Variants in OLA1 observed in about 807,000 individuals in gnomAD.
The protein encoded by OLA1 is Obg like ATPase 1.
A neutral mutation model predicts 48.4 loss-of-function variants in OLA1; 14 were observed. The ratio of observed to expected loss-of-function variants is 0.29; its 90% CI spans 0.19 to 0.45. OLA1 has a LOEUF of 0.45. Ranked by LOEUF, OLA1 falls within the 20% of genes least tolerant of loss-of-function variation. The pLI, the probability that OLA1 is intolerant of heterozygous loss-of-function variation, is 1.00. For missense variants in OLA1, 325 were observed against 467.1 expected (o/e 0.70, Z 2.80); for synonymous variants, 127 against 150.4 (o/e 0.84, Z 1.14).
intron 2 of OLA1, among the ~76,000 whole-genome samples, chr2:174,241,405 T>G (rs1688999195): frequency 6.6e-6 from 1 of 152,236 alleles, no homozygotes; most frequent in African/African-American, 2.4e-5. Context: ...TTTTTTCTTT[T>G]TTTTAGCATT....
chr2:174,114,737 G>C (rs1398638081), intron 7 of OLA1, among the ~76,000 whole-genome samples: 1 of 152,186 alleles, frequency 6.6e-6, no homozygotes, highest in Non-Finnish European at 1.5e-5. Flanking sequence ...AAAAGGCACT[G>C]CTAAATCTTT....
At chr2:174,206,213 C>A (rs370095530) in intron 4 of OLA1, among the ~76,000 whole-genome samples, 9 of 152,182 alleles carry the variant, frequency 5.9e-5, no homozygotes, top group African/African-American at 2.2e-4. Flanking sequence ...ATAATGACAG[C>A]ATTCTGACAA....
chr2:174,189,500 T>TA (rs943411740), intron 4 of OLA1, among the ~76,000 whole-genome samples: 15 of 151,984 alleles, frequency 9.9e-5, no homozygotes, highest in Non-Finnish European at 1.8e-4. Context: ...GGCAATCCAT[T>TA]AAAAAAATAG....
chr2:174,192,798 C>T (rs1454069324), intron 4 of OLA1, among the ~76,000 whole-genome samples: 1 of 152,106 alleles, frequency 6.6e-6, no homozygotes, highest in Non-Finnish European at 1.5e-5. Flanking sequence ...TCAGCACTTC[C>T]AAAGTGTCAT....
intron 4 of OLA1, among the ~76,000 whole-genome samples, chr2:174,160,075 CATAA>C (rs1350213767): frequency 2.0e-5 from 3 of 151,938 alleles, no homozygotes; most frequent in Admixed American, 1.3e-4. Flanking sequence ...AACCTTAAAC[CATAA>C]ATAAATTCTT....
chr2:174,191,377 C>G (rs772128844), intron 4 of OLA1, among the ~76,000 whole-genome samples: 5 of 152,098 alleles, frequency 3.3e-5, no homozygotes, highest in African/African-American at 7.2e-5. Flanking sequence ...GTCTAAAACA[C>G]AATGTCCCCT....
At chr2:174,159,129 A>G (rs1015628111) in intron 4 of OLA1, among the ~76,000 whole-genome samples, 5 of 152,180 alleles carry the variant, frequency 3.3e-5, no homozygotes, top group African/African-American at 1.2e-4. Context: ...AAGGTACTCA[A>G]CAGCATAAAC....
intron 4 of OLA1, among the ~76,000 whole-genome samples, chr2:174,144,949 A>ATATATATATATATATATATATAT (rs1328085797): frequency 1.7e-5 from 1 of 57,156 alleles, no homozygotes; most frequent in Non-Finnish European, 3.2e-5. Context: ...AAAAAAAAAA[A>ATATATATATATATATATATATAT]AAATATATAT....
chr2:174,117,386 A>G (rs574490780), intron 7 of OLA1, among the ~76,000 whole-genome samples: 1 of 152,350 alleles, frequency 6.6e-6, no homozygotes, highest in East Asian at 1.9e-4. Flanking sequence ...AATAAAGACC[A>G]TAGCACTTGT....
chr2:174,182,900 C>T (rs1054986182), intron 4 of OLA1, among the ~76,000 whole-genome samples: 12 of 152,180 alleles, frequency 7.9e-5, no homozygotes, highest in Non-Finnish European at 1.6e-4. Context: ...CATCTAATTG[C>T]GGGAGTTAAA....
chr2:174,245,825 C>G (rs1689115575), intron 2 of OLA1, among the ~76,000 whole-genome samples: 2 of 151,748 alleles, frequency 1.3e-5, no homozygotes, highest in Admixed American at 1.3e-4. Flanking sequence ...ACCTGGGAGG[C>G]AGAGGCTGCA....
chr2:174,152,224 T>A (rs962959933), intron 4 of OLA1, among the ~76,000 whole-genome samples: 1 of 152,008 alleles, frequency 6.6e-6, no homozygotes, highest in African/African-American at 2.4e-5. Context: ...CTGGCCAACA[T>A]AGTGAAACCC....
At chr2:174,137,039 A>T (rs1686326243) in intron 5 of OLA1, among the ~76,000 whole-genome samples, 1 of 152,200 alleles carries the variant, frequency 6.6e-6, no homozygotes, top group Non-Finnish European at 1.5e-5. Flanking sequence ...GCCCAGATCC[A>T]TCAGATAAAT....
At chr2:174,121,421 T>A (rs1258656291) in intron 7 of OLA1, among the ~76,000 whole-genome samples, 1 of 152,130 alleles carries the variant, frequency 6.6e-6, no homozygotes, top group Non-Finnish European at 1.5e-5. Context: ...AAAATGGCTA[T>A]GTGGTAAATT....
intron 4 of OLA1, among the ~76,000 whole-genome samples, chr2:174,167,208 ATCT>A (rs1436643844): frequency 1.3e-5 from 2 of 152,214 alleles, no homozygotes; most frequent in Non-Finnish European, 2.9e-5. Context: ...AATCTTTTAC[ATCT>A]TCTTCAATTC....
chr2:174,235,794 C>T (rs745699505), intron 2 of OLA1, among the ~76,000 whole-genome samples: 4 of 152,124 alleles, frequency 2.6e-5, no homozygotes, highest in Admixed American at 2.6e-4. Context: ...TAATGATTTG[C>T]GCATGAGTAA....
At chr2:174,079,534 C>T (rs915296721) in intron 9 of OLA1, among the ~76,000 whole-genome samples, 5 of 151,748 alleles carry the variant, frequency 3.3e-5, no homozygotes, top group Admixed American at 2.6e-4. Flanking sequence ...AAGGCATTTC[C>T]AACAAATCAT....
chr2:174,246,494 G>A (rs1482507254), intron 2 of OLA1, among the ~76,000 whole-genome samples: 1 of 152,130 alleles, frequency 6.6e-6, no homozygotes, highest in Non-Finnish European at 1.5e-5. Context: ...CCTACTGCAT[G>A]GCCTCTGGTA....
At chr2:174,081,028 G>A in intron 9 of OLA1, 124 bp downstream of exon 9, 1 of 751,028 alleles carries the variant, frequency 1.3e-6, no homozygotes, top group Non-Finnish European at 2.3e-6. Flanking sequence ...AAGTTATCCT[G>A]GACAAAAACC....
Sources: allele counts gnomAD v4.1 joint callset (sites outside exome capture counted in the v4.1 genomes callset), GRCh38; gene constraint gnomAD v4.1.1; transcripts MANE v1.5; gene names NCBI Gene and HGNC (gene_info 2026-07-23, HGNC 2026-07-21).